The following MACROD2 variants were observed in gnomAD, a reference collection of about 807,000 sequenced individuals.
MACROD2 encodes the protein ADP-ribose glycohydrolase MACROD2.
In MACROD2, 36 loss-of-function variants were observed where a neutral mutation model predicts 70.4. The observed-to-expected ratio is 0.51, with a 90% confidence interval of 0.39 to 0.68. The LOEUF (loss-of-function observed/expected upper bound fraction) is 0.68, where lower values mean the gene tolerates loss of function less well. Among genes scored for constraint, MACROD2 ranks in the 30% least tolerant of loss-of-function variants. The probability of loss-of-function intolerance (pLI) is 0.00; values close to 1 mark genes in which losing one functional copy is unlikely to be tolerated. For synonymous variants in MACROD2, 172 were observed against 178.8 expected (o/e 0.96, Z 0.30); for missense variants, 496 against 538.4 (o/e 0.92, Z 0.78).
chr20:14,199,937 C>CAAT (rs2081465269), intron 3 of MACROD2, among the ~76,000 whole-genome samples: 1 of 152,064 alleles, frequency 6.6e-6, no homozygotes, highest in Admixed American at 6.6e-5. Context: ...TCTTATCCAC[C>CAAT]TATTCTTAGA....
chr20:16,045,868 C>T (rs2067372902), intron 17 of MACROD2, among the ~76,000 whole-genome samples: 1 of 152,064 alleles, frequency 6.6e-6, no homozygotes, highest in African/African-American at 2.4e-5. Context: ...GCCTCCTTTA[C>T]ACTGCTACCT....
chr20:14,356,074 A>G (rs2083169499), intron 3 of MACROD2, among the ~76,000 whole-genome samples: 1 of 152,148 alleles, frequency 6.6e-6, no homozygotes, highest in Non-Finnish European at 1.5e-5. Flanking sequence ...TAAGGGTGCT[A>G]GTTTTGTAGC....
At chr20:14,757,507 G>A in intron 5 of MACROD2, 3 of 595,662 alleles carry the variant, frequency 5.0e-6, no homozygotes, top group South Asian at 2.2e-5. Flanking sequence ...GATCCCATAT[G>A]TCTCTTTTTA....
At chr20:15,332,725 GAT>G (rs1246401490) in intron 6 of MACROD2, among the ~76,000 whole-genome samples, 1 of 151,624 alleles carries the variant, frequency 6.6e-6, no homozygotes, top group Admixed American at 6.6e-5. Context: ...TAGTTGCTTT[GAT>G]ATATGTTTCT....
At chr20:15,630,359 G>C (rs464188) in intron 8 of MACROD2, among the ~76,000 whole-genome samples, 43,976 of 152,068 alleles carry the variant, frequency 0.29, 6,893 homozygotes, top group South Asian at 0.41. Flanking sequence ...CAAAAATGTT[G>C]TGCATCTGAA....
chr20:14,311,850 T>C (rs2082570473), intron 3 of MACROD2, among the ~76,000 whole-genome samples: 1 of 152,146 alleles, frequency 6.6e-6, no homozygotes, highest in Non-Finnish European at 1.5e-5. Context: ...ACGTTCTTCC[T>C]TTCTGTTTAC....
In MACROD2 at chr20:16,049,915, G is replaced by T. The variant is rs201189067; in HGVS notation, c.*39G>T. ...CGCAAGGCCTCTCCTGGCTCTGGGG[G>T]AGCTCGGGAAGATAGCAGCACACGC... On this transcript the variant is annotated 3_prime_UTR_variant, in exon 18 of 18. Coordinates refer to ENST00000684519, the MANE Select transcript of MACROD2 (RefSeq NM_001351661.2). 5.8e-6 allele frequency: 8 copies of T among 1,371,424 alleles called. No homozygotes were observed. The highest frequency in any genetic ancestry group is 4.7e-5 in the South Asian group (4 of 86,006). The allele number at this position is 1,371,424 out of a possible 1,614,324, so 85.0% of individuals were successfully genotyped here. A position where few individuals can be genotyped will look rare whatever the true frequency, so the allele number is the denominator to read the frequency against.
chr20:14,789,891 A>G (rs1237841042), intron 5 of MACROD2, among the ~76,000 whole-genome samples: 1 of 152,096 alleles, frequency 6.6e-6, no homozygotes, highest in Admixed American at 6.5e-5. Flanking sequence ...AATCAAAATT[A>G]AAGTGCTCAA....
At chr20:15,168,441 A>ATG (rs56188346) in intron 5 of MACROD2, among the ~76,000 whole-genome samples, 9,576 of 134,592 alleles carry the variant, frequency 0.071, 345 homozygotes, top group African/African-American at 0.089. Context: ...ACATTGTGGG[A>ATG]TGTGTGTGTG....
At chr20:15,024,346 G>T (rs1400868707) in intron 5 of MACROD2, among the ~76,000 whole-genome samples, 1 of 151,958 alleles carries the variant, frequency 6.6e-6, no homozygotes, top group Non-Finnish European at 1.5e-5. Context: ...TTAACAGGAA[G>T]GACAAGAAGG....
intron 7 of MACROD2, among the ~76,000 whole-genome samples, chr20:15,454,528 G>A (rs182512943): frequency 4.2e-4 from 63 of 151,328 alleles, no homozygotes; most frequent in Non-Finnish European, 2.7e-4. Context: ...TTGTTGAATC[G>A]ATATGCAGGT....
chr20:14,509,987 T>A (rs552582162), intron 4 of MACROD2, among the ~76,000 whole-genome samples: 1 of 152,170 alleles, frequency 6.6e-6, no homozygotes, highest in East Asian at 1.9e-4. Flanking sequence ...ATATTTATAT[T>A]CCCTTTTAAA....
chr20:14,252,235 G>T (rs1163127519), intron 3 of MACROD2, among the ~76,000 whole-genome samples: 2 of 152,048 alleles, frequency 1.3e-5, no homozygotes, highest in Non-Finnish European at 2.9e-5. Context: ...TCCAAATCAG[G>T]TCTCTCCAAT....
intron 8 of MACROD2, among the ~76,000 whole-genome samples, chr20:15,759,162 A>AAAC (rs2051397719): frequency 6.6e-6 from 1 of 151,182 alleles, no homozygotes; most frequent in Non-Finnish European, 1.5e-5. Context: ...AAAAAAAAAA[A>AAAC]AAAACAGAAA....
chr20:14,518,871 A>G (rs1354178274), intron 4 of MACROD2, among the ~76,000 whole-genome samples: 1 of 152,154 alleles, frequency 6.6e-6, no homozygotes, highest in African/African-American at 2.4e-5. Flanking sequence ...TTTCACAGGA[A>G]AGGCTTTTTG....
chr20:14,391,034 T>G (rs1177411595), intron 3 of MACROD2, among the ~76,000 whole-genome samples: 1 of 152,106 alleles, frequency 6.6e-6, no homozygotes, highest in Non-Finnish European at 1.5e-5. Flanking sequence ...GGGAGTGTAA[T>G]TAGTTCAACA....
intron 5 of MACROD2, among the ~76,000 whole-genome samples, chr20:15,081,744 A>C (rs1280741643): frequency 2.6e-5 from 4 of 152,102 alleles, no homozygotes; most frequent in Non-Finnish European, 5.9e-5. Context: ...CCTTCCTGCT[A>C]TTTTTTAAAA....
chr20:15,717,082 A>T (rs575214372), intron 8 of MACROD2, among the ~76,000 whole-genome samples: 152 of 152,300 alleles, frequency 1.0e-3, no homozygotes, highest in Non-Finnish European at 1.1e-3. Context: ...TAAATACTAA[A>T]TATATCCTCT....
rs557907668 is a variant in MACROD2, at chr20:16,046,675, C to CTTTT, written c.1300+2056_1300+2059dup. ...AACCCAAATGAATCAGGTGTCAAAA[C>CTTTT]TTTTTTTTTTTTTTTTTTTTTTTGA... On this transcript the variant is annotated intron_variant, in intron 17 of 17. Coordinates refer to ENST00000684519, the MANE Select transcript of MACROD2 (RefSeq NM_001351661.2). Among the ~76,000 whole-genome samples the CTTTT allele has an allele frequency of 4.8e-3, 412 of 85,500 alleles. 20 individuals carry two copies. Among genetic ancestry groups the CTTTT allele is most frequent in the African/African-American group, 0.013 (272 of 20,378 alleles). 56.1% of individuals were successfully genotyped at this position (85,500 alleles called of 152,430 possible). A position where few individuals can be genotyped will look rare whatever the true frequency, so the allele number is the denominator to read the frequency against.
Sources: gnomAD v4.1 joint callset for allele counts (sites outside exome capture counted in the v4.1 genomes callset) on GRCh38, gnomAD v4.1.1 for gene constraint, MANE v1.5 for transcripts, NCBI Gene and HGNC (gene_info 2026-07-23, HGNC 2026-07-21) for gene names.